The following CHFR variants were observed in gnomAD, a reference collection of about 807,000 sequenced individuals.
CHFR encodes the protein E3 ubiquitin-protein ligase CHFR.
Under a neutral mutation model 87.6 loss-of-function variants are expected in CHFR, and 57 were observed. The ratio of observed to expected loss-of-function variants is 0.65; its 90% CI spans 0.53 to 0.81. The LOEUF (loss-of-function observed/expected upper bound fraction) is 0.81. Among genes scored for constraint, CHFR ranks in the 30% least tolerant of loss-of-function variants. The pLI is 0.00. For missense variants in CHFR, 797 were observed against 865.8 expected, an observed-to-expected ratio of 0.92 and a Z score of 1.00; for synonymous variants, 381 against 359.2, an observed-to-expected ratio of 1.06 and a Z score of -0.69.
Position 132,871,415 on chromosome 12 carries a change from G to C in CHFR, c.344-632C>G, listed in dbSNP as rs144980907. Among the ~76,000 whole-genome samples the C allele has an allele frequency of 4.4e-3, 662 of 149,138 alleles. 3 individuals are homozygous for C. Among genetic ancestry groups the C allele is most frequent in the African/African-American group, 0.015 (623 of 40,338 alleles). On this transcript the variant is annotated intron_variant, in intron 4 of 17. Transcript: ENST00000450056. ...TGCAGTGAGCTGAGATCACGCCATT[G>C]CACTCCAGCCTCCGCAACAGAGCAG...
At chr12:132,884,012 C>A (rs1160726684) in intron 2 of CHFR, among the ~76,000 whole-genome samples, 2 of 152,162 alleles carry the variant, frequency 1.3e-5, no homozygotes, top group Non-Finnish European at 1.5e-5. Context: ...CTCAGCTAGT[C>A]TGGAGGCTCA....
chr12:132,855,837 G>A (rs906862296), intron 10 of CHFR, among the ~76,000 whole-genome samples: 2 of 149,416 alleles, frequency 1.3e-5, no homozygotes, highest in East Asian at 2.0e-4. Flanking sequence ...AGGAAATAAA[G>A]ATAAAAGTTT....
At position 132,835,877 on chromosome 12, in the gene CHFR, G is replaced by C. The variant is rs10870522; in HGVS notation, c.*5677C>G. On this transcript the variant is annotated 3_prime_UTR_variant, in exon 18 of 18. Transcript: ENST00000450056. ...CCTCACAGTGATAGGCTCCCAGCAC[G>C]GCGCACGGCACTCACAGTGCCAGGC... 2.8e-5 allele frequency: 6 copies of C among 214,286 alleles called. No individual in the cohort carries two copies. The highest frequency in any genetic ancestry group is 7.6e-5 in the Admixed American group (1 of 13,200). The allele number at this position is 214,286 out of a possible 1,614,324, so 13.3% of individuals were successfully genotyped here. A position where few individuals can be genotyped will look rare whatever the true frequency, so the allele number is the denominator to read the frequency against.
intron 15 of CHFR, among the ~76,000 whole-genome samples, chr12:132,845,656 A>G (rs1322803860): frequency 6.6e-6 from 1 of 151,976 alleles, no homozygotes; most frequent in Non-Finnish European, 1.5e-5. Context: ...TCTCATATAT[A>G]TATTTCTACA....
intron 12 of CHFR, 185 bp from the exon 13 acceptor site, chr12:132,848,909 G>A (rs901818626): frequency 3.6e-6 from 2 of 553,000 alleles, no homozygotes; most frequent in Non-Finnish European, 6.5e-6. Context: ...GTGATGGCGA[G>A]GAGTTGTATC....
At chr12:132,855,313 T>A (rs1024405192) in intron 10 of CHFR, among the ~76,000 whole-genome samples, 3 of 151,874 alleles carry the variant, frequency 2.0e-5, no homozygotes, top group African/African-American at 7.3e-5. Flanking sequence ...TCCCAGCTAT[T>A]TGGGAGGCTG....
intron 12 of CHFR, chr12:132,849,599 CT>C (rs35855109): frequency 1.8e-3 from 251 of 142,518 alleles, no homozygotes; most frequent in Non-Finnish European, 1.8e-3. Flanking sequence ...ATTCAGGTGG[CT>C]TTTTTTTTTT....
chr12:132,869,774 C>T lies in CHFR; in HGVS notation c.428G>A (p.Arg143Gln), dbSNP rs761341813. 25 of 1,551,298 alleles carry T rather than the reference C, an allele frequency of 1.6e-5. No individual in the cohort carries two copies. The highest frequency in any genetic ancestry group is 1.7e-4 in the Middle Eastern group (1 of 6,014). Residue 143 changes from arginine to glutamine, a missense_variant, in exon 6 of 18, where the codon CGA becomes CAA. Arg to Gln is a conservative substitution (Grantham distance 43, BLOSUM62 1). This residue lies in a region of CHFR where 597 missense variants were observed against 601.2 expected (regional missense o/e 0.99). Transcript: ENST00000450056. ...SFDTSGAGAG[R>Q]GADPRVPPSS... The stretch of plus-strand genomic sequence containing the variant: ...CGGAGGGACCCGGGGATCGGCCCCT[C>T]GCCCTGCACCTGCACCTGAGGTATC...
At chr12:132,865,578 G>C (rs1313691422) in intron 6 of CHFR, among the ~76,000 whole-genome samples, 1 of 151,062 alleles carries the variant, frequency 6.6e-6, no homozygotes, top group Non-Finnish European at 1.5e-5. Context: ...TCACCATGTT[G>C]GCCAGGTAGG....
At chr12:132,846,661 A>C (rs1386269515) in intron 15 of CHFR, among the ~76,000 whole-genome samples, 1 of 152,042 alleles carries the variant, frequency 6.6e-6, no homozygotes, top group Admixed American at 6.5e-5. Flanking sequence ...TGGGCAGATC[A>C]CCTGAAGTCA....
At chr12:132,869,239 G>A (rs1369104261) in intron 6 of CHFR, among the ~76,000 whole-genome samples, 2 of 150,748 alleles carry the variant, frequency 1.3e-5, no homozygotes, top group Non-Finnish European at 3.0e-5. Flanking sequence ...CTGCTGGTGG[G>A]GCCGAGGGGA....
Position 132,872,448 on chromosome 12 carries a change from A to G in CHFR, c.234-54T>C. On this transcript the variant is annotated intron_variant, in intron 3 of 17. Transcript: ENST00000450056. ...CTACTTAAAATAACTTGGAGTTACA[A>G]GATTTTTTTTCTAGCACCATTAGCA... 2.9e-6 allele frequency: 4 copies of G among 1,392,316 alleles called. No homozygotes were observed. In the South Asian group the frequency reaches 4.7e-5, roughly 16 times the overall value. 86.2% of individuals were successfully genotyped at this position (1,392,316 alleles called of 1,614,324 possible).
At chr12:132,843,244 A>C (rs1004018423) in intron 16 of CHFR, among the ~76,000 whole-genome samples, 161 bp from the exon 17 acceptor site, 1 of 152,072 alleles carries the variant, frequency 6.6e-6, no homozygotes, top group Admixed American at 6.6e-5. Flanking sequence ...GATTTCAGGA[A>C]AGGAAACACA....
At chr12:132,872,016 C>G in intron 4 of CHFR, 1 of 426,054 alleles carries the variant, frequency 2.3e-6, no homozygotes. Flanking sequence ...CCCAAACCAT[C>G]CCCATCAGTT....
chr12:132,860,773 A>C (rs1951193540), intron 7 of CHFR, among the ~76,000 whole-genome samples: 1 of 152,084 alleles, frequency 6.6e-6, no homozygotes, highest in Admixed American at 6.6e-5. Context: ...TTTTTTTGAG[A>C]TGGAGTTTTG....
Position 132,837,087 on chromosome 12 carries a change from G to T in CHFR, c.*4467C>A, listed in dbSNP as rs112920524. On this transcript the variant is annotated 3_prime_UTR_variant, in exon 18 of 18. Coordinates refer to ENST00000450056, the MANE Select transcript of CHFR (RefSeq NM_001161346.2). ...CTGGTACCTGAGGGGCTGTTTGTGAGAATTAGCTGGTTCGGTGGAGAAGCA... is the reference window on the plus strand; with the variant it reads ...CTGGTACCTGAGGGGCTGTTTGTGATAATTAGCTGGTTCGGTGGAGAAGCA... The T allele has an allele frequency of 7.4e-3, 2,380 of 323,594 alleles. 15 individuals are homozygous for T. The highest frequency in any genetic ancestry group is 9.0e-3 in the Admixed American group (199 of 22,138). The allele number at this position is 323,594 out of a possible 1,614,324, so 20.0% of individuals were successfully genotyped here. A position where few individuals can be genotyped will look rare whatever the true frequency, so the allele number is the denominator to read the frequency against.
rs1950660128 is a variant in CHFR at position 132,837,847 on chromosome 12, G to C, written c.*3707C>G. On this transcript the variant is annotated 3_prime_UTR_variant, in exon 18 of 18. Coordinates refer to ENST00000450056, the MANE Select transcript of CHFR (RefSeq NM_001161346.2). Reference sequence around the variant, plus strand: ...ATGCCAAAACGGAGCCCACGTGGAGGCAGAGGGCGGGCACGGCCGCGGGGA... The same window carrying C: ...ATGCCAAAACGGAGCCCACGTGGAGCCAGAGGGCGGGCACGGCCGCGGGGA... 6.6e-6 allele frequency: 1 copy of C among 152,392 alleles called. No individual in the cohort carries two copies. Among genetic ancestry groups the C allele is most frequent in the South Asian group, 2.1e-4 (1 of 4,838 alleles). 9.4% of individuals were successfully genotyped at this position (152,392 alleles called of 1,614,324 possible).
intron 13 of CHFR, 60 bp from the exon 14 acceptor site, chr12:132,848,215 TG>T (rs1190058570): frequency 1.9e-6 from 3 of 1,612,692 alleles, no homozygotes; most frequent in Non-Finnish European, 2.5e-6. Context: ...AAGCACTGTC[TG>T]CCCGACACTG....
intron 4 of CHFR, chr12:132,872,036 C>T (rs1421705225): frequency 6.6e-6 from 3 of 453,096 alleles, no homozygotes; most frequent in East Asian, 3.4e-5. Flanking sequence ...TTCTCCTTGG[C>T]TGCCATTTTG....
Sources: allele counts gnomAD v4.1 joint callset (sites outside exome capture counted in the v4.1 genomes callset), GRCh38; gene constraint gnomAD v4.1.1; regional missense constraint gnomAD v4.1.1; transcripts MANE v1.5; gene names NCBI Gene and HGNC (gene_info 2026-07-23, HGNC 2026-07-21).